Variants in NALF1 observed in about 807,000 individuals in gnomAD.
NALF1 encodes the protein NALCN channel auxiliary factor 1.
A neutral mutation model predicts 48.4 loss-of-function variants in NALF1; 3 were observed. The observed-to-expected ratio is 0.06, with a 90% CI of 0.03 to 0.16. The LOEUF is 0.16. Among genes scored for constraint, NALF1 ranks in the 10% least tolerant of loss-of-function variants. The pLI is 1.00. For synonymous variants in NALF1, 262 were observed against 245.7 expected (o/e 1.07, Z -0.62); for missense variants, 526 against 571.5 (o/e 0.92, Z 0.81).
intron 2 of NALF1, among the ~76,000 whole-genome samples, chr13:107,186,444 G>T (rs1449809397): frequency 6.6e-6 from 1 of 152,032 alleles, no homozygotes; most frequent in African/African-American, 2.4e-5. Context: ...CGCGGCTCAC[G>T]GCAACCTCTG....
intron 1 of NALF1, among the ~76,000 whole-genome samples, chr13:107,617,093 G>T (rs186438106): frequency 3.9e-5 from 6 of 152,264 alleles, no homozygotes; most frequent in African/African-American, 1.4e-4. Context: ...TCTTCAGTTT[G>T]TCTGGAATTT....
intron 1 of NALF1, among the ~76,000 whole-genome samples, chr13:107,567,032 TAAC>T (rs1181742612): frequency 6.6e-6 from 1 of 152,190 alleles, no homozygotes; most frequent in Non-Finnish European, 1.5e-5. Context: ...GGCATAAAAA[TAAC>T]AAATATTAAA....
chr13:107,317,353 C>T (rs1184513935), intron 1 of NALF1, among the ~76,000 whole-genome samples: 3 of 151,934 alleles, frequency 2.0e-5, no homozygotes, highest in Non-Finnish European at 4.4e-5. Context: ...TGCCAATCAC[C>T]GATTTTTAAC....
intron 1 of NALF1, among the ~76,000 whole-genome samples, chr13:107,444,915 G>C (rs1351353546): frequency 6.6e-6 from 1 of 152,082 alleles, no homozygotes; most frequent in South Asian, 2.1e-4. Context: ...CACAGTTGCA[G>C]AAATTTTTTT....
chr13:107,666,536 C>T (rs1205789378), intron 1 of NALF1, among the ~76,000 whole-genome samples: 2 of 152,122 alleles, frequency 1.3e-5, no homozygotes, highest in African/African-American at 2.4e-5. Context: ...AAAGTTTGCT[C>T]AACTTTAATT....
intron 1 of NALF1, among the ~76,000 whole-genome samples, chr13:107,281,958 C>A (rs893680591): frequency 1.3e-5 from 2 of 152,152 alleles, no homozygotes; most frequent in African/African-American, 4.8e-5. Context: ...TCCTTTAAAA[C>A]GTGGGGAATA....
At chr13:107,829,407 T>C (rs1426962983) in intron 1 of NALF1, among the ~76,000 whole-genome samples, 2 of 152,136 alleles carry the variant, frequency 1.3e-5, no homozygotes, top group African/African-American at 4.8e-5. Flanking sequence ...GAAAATACTG[T>C]GGAGAACCTG....
intron 1 of NALF1, among the ~76,000 whole-genome samples, chr13:107,697,662 A>C (rs764673023): frequency 7.2e-5 from 11 of 152,136 alleles, no homozygotes; most frequent in Non-Finnish European, 1.2e-4. Flanking sequence ...GCTTATCAAG[A>C]AAGAAGGAAA....
intron 1 of NALF1, among the ~76,000 whole-genome samples, chr13:107,566,954 G>A (rs1441092133): frequency 2.0e-5 from 3 of 152,108 alleles, no homozygotes; most frequent in African/African-American, 7.2e-5. Flanking sequence ...TGGTCTACAA[G>A]TTGATGCCAG....
At chr13:107,447,515 G>A (rs1166078652) in intron 1 of NALF1, among the ~76,000 whole-genome samples, 1 of 152,172 alleles carries the variant, frequency 6.6e-6, no homozygotes, top group Non-Finnish European at 1.5e-5. Flanking sequence ...CCGGGAGCTA[G>A]CTTCTACTGA....
chr13:107,623,216 T>A (rs1171549797), intron 1 of NALF1, among the ~76,000 whole-genome samples: 1 of 152,192 alleles, frequency 6.6e-6, no homozygotes, highest in Non-Finnish European at 1.5e-5. Flanking sequence ...CTTATTAATA[T>A]AATTTTGTTG....
chr13:107,533,808 C>T (rs529301538), intron 1 of NALF1, among the ~76,000 whole-genome samples: 3 of 152,214 alleles, frequency 2.0e-5, no homozygotes, highest in South Asian at 2.1e-4. Flanking sequence ...TCATGTCTTC[C>T]GTTAAGGTCT....
rs149133371 is a variant in NALF1 at position 107,581,035 on chromosome 13, C to T, written c.915+284647G>A. 5.7e-3 allele frequency among the ~76,000 whole-genome samples: 866 copies of T among 152,152 alleles called. 3 individuals carry two copies. Among genetic ancestry groups the T allele is most frequent in the Admixed American group, 0.013 (195 of 15,284 alleles). ...ATACGGTAAACCCAGATAAGAGCAA[C>T]GTAAAAGGCTCTGGCTGTGAAAACT... On this transcript the variant is annotated intron_variant, in intron 1 of 2. Coordinates refer to ENST00000375915, the MANE Select transcript of NALF1 (RefSeq NM_001080396.3).
At chr13:107,192,420 C>A (rs553014707) in intron 2 of NALF1, among the ~76,000 whole-genome samples, 1 of 152,126 alleles carries the variant, frequency 6.6e-6, no homozygotes, top group African/African-American at 2.4e-5. Flanking sequence ...TAGTGAGACT[C>A]ACATTAATTT....
intron 1 of NALF1, among the ~76,000 whole-genome samples, chr13:107,380,570 T>C (rs979788504): frequency 2.0e-5 from 3 of 152,156 alleles, no homozygotes; most frequent in African/African-American, 7.2e-5. Context: ...GCAAAGGACA[T>C]GGGGTGGTTT....
At chr13:107,322,087 G>A (rs1411242905) in intron 1 of NALF1, among the ~76,000 whole-genome samples, 1 of 152,082 alleles carries the variant, frequency 6.6e-6, no homozygotes, top group African/African-American at 2.4e-5. Flanking sequence ...AAACTCAGGC[G>A]AGATCTCTGT....
intron 1 of NALF1, among the ~76,000 whole-genome samples, chr13:107,300,942 C>T (rs966921135): frequency 3.3e-5 from 5 of 152,188 alleles, no homozygotes; most frequent in African/African-American, 9.6e-5. Context: ...ATTAAATTCA[C>T]ATTACATAAC....
chr13:107,245,122 A>C (rs1206017563), intron 1 of NALF1, among the ~76,000 whole-genome samples: 2 of 152,198 alleles, frequency 1.3e-5, no homozygotes, highest in African/African-American at 4.8e-5. Context: ...CATGTGGGAT[A>C]ATCATTATGG....
intron 1 of NALF1, among the ~76,000 whole-genome samples, chr13:107,370,691 T>C (rs1038537970): frequency 6.6e-6 from 1 of 152,196 alleles, no homozygotes; most frequent in Non-Finnish European, 1.5e-5. Flanking sequence ...TATTAGTCCG[T>C]TCTCATGCTG....
Sources: allele counts gnomAD v4.1 joint callset (sites outside exome capture counted in the v4.1 genomes callset), GRCh38; gene constraint gnomAD v4.1.1; transcripts MANE v1.5; gene names NCBI Gene and HGNC (gene_info 2026-07-23, HGNC 2026-07-21).